The following MYBPC2 variants were observed in gnomAD, a reference collection of about 807,000 sequenced individuals.
The protein encoded by MYBPC2 is myosin binding protein C2.
In MYBPC2, 122 loss-of-function variants were observed where a neutral mutation model predicts 137.0. The observed-to-expected ratio is 0.89, with a 90% CI of 0.77 to 1.03. The LOEUF is 1.03. Ranked by LOEUF, MYBPC2 falls within the 50% of genes least tolerant of loss-of-function variation. The pLI, the probability that MYBPC2 is intolerant of heterozygous loss-of-function variation, is 0.00. For synonymous variants in MYBPC2, 626 were observed against 612.3 expected, an observed-to-expected ratio of 1.02 and a Z score of -0.33; for missense variants, 1,500 against 1,534.4, an observed-to-expected ratio of 0.98 and a Z score of 0.37.
In MYBPC2 at chr19:50,436,722, A is replaced by T. The variant is rs1007765893; in HGVS notation, c.451A>T (p.Ile151Phe). 4.3e-6 allele frequency: 7 copies of T among 1,613,628 alleles called. No homozygotes were observed. Among genetic ancestry groups the T allele is most frequent in the Non-Finnish European group, 5.9e-6 (7 of 1,179,770 alleles). ...CACCTGTGACAGCTGTGGCTTCAAC[A>T]TCGATGTGGAGGGTATGCTGGTGGG... ...KDTCDSCGFN[I>F]DVEAPRQDAS... The change falls in exon 5 of 28, where the codon ATC (isoleucine) becomes TTC (phenylalanine). Residue 151 changes from isoleucine to phenylalanine, a missense_variant. Coordinates refer to ENST00000357701, the MANE Select transcript of MYBPC2 (RefSeq NM_004533.4).
rs369701444 is a variant in MYBPC2, at chr19:50,455,581, C to G, written c.2275C>G (p.Pro759Ala). Residue 759 changes from proline (P) to alanine (A), a missense_variant, in exon 20 of 28, where the codon CCT becomes GCT. Pro to Ala is a conservative substitution (Grantham distance 27). Coordinates refer to ENST00000357701, the MANE Select transcript of MYBPC2 (RefSeq NM_004533.4). ...TDTTTTLKWR[P>A]PNRIGAGGID... ...CACCACCACCACACTCAAGTGGAGG[C>G]CTCCGAACAGGATCGGGGCAGGTGG... The G allele has an allele frequency of 7.4e-6, 12 of 1,613,888 alleles. No individual in the cohort carries two copies. The African/African-American group carries it at 1.5e-4, about 20-fold the overall frequency.
At chr19:50,437,355 C>T in intron 5 of MYBPC2, 118 bp from the exon 6 acceptor site, 1 of 1,155,116 alleles carries the variant, frequency 8.7e-7, no homozygotes. Flanking sequence ...TTGTGCTGGT[C>T]CAAGAGATGG....
chr19:50,437,440 C>G, intron 5 of MYBPC2, 33 bp from the exon 6 acceptor site: 1 of 1,600,760 alleles, frequency 6.2e-7, no homozygotes, highest in Non-Finnish European at 8.5e-7. Context: ...TGGCCTCTAA[C>G]TCACCTTCCC....
At chr19:50,463,173 ATTTG>A (rs746597362) in intron 26 of MYBPC2, among the ~76,000 whole-genome samples, 7 of 152,162 alleles carry the variant, frequency 4.6e-5, no homozygotes, top group Non-Finnish European at 1.0e-4. Flanking sequence ...GGCCAAGCAT[ATTTG>A]TTTATGTTTT....
chr19:50,459,415 G>C (rs1307064643), intron 23 of MYBPC2, 109 bp downstream of exon 23: 7 of 1,161,184 alleles, frequency 6.0e-6, no homozygotes, highest in Non-Finnish European at 8.1e-6. Flanking sequence ...GATGAAGGGT[G>C]GGAGAGGAGG....
At position 50,448,093 on chromosome 19, in the gene MYBPC2, G is replaced by A. The variant is rs547815701; in HGVS notation, c.1307-132G>A. ...AGCATGGGAGCTTCCCGAGGCCAAC[G>A]GGTTGTTTCTGGGTTGTCTGTGGCT... On this transcript the variant is annotated intron_variant, in intron 12 of 27. Coordinates refer to ENST00000357701, the MANE Select transcript of MYBPC2 (RefSeq NM_004533.4). 7.2e-5 allele frequency: 78 copies of A among 1,087,960 alleles called. No individual in the cohort carries two copies. In the African/African-American group the frequency reaches 9.9e-4, roughly 14 times the overall value. The allele number at this position is 1,087,960 out of a possible 1,614,324, so 67.4% of individuals were successfully genotyped here. A position where few individuals can be genotyped will look rare whatever the true frequency, so the allele number is the denominator to read the frequency against.
At position 50,444,132 on chromosome 19, in the gene MYBPC2, GTCCATCCATCCATCCA is replaced by G. The variant is rs3087049; in HGVS notation, c.1133+351_1133+366del. On this transcript the variant is annotated intron_variant, in intron 11 of 27. Transcript: ENST00000357701. ...ATCCAGGTATCCACTCATCCACCCA[GTCCATCCATCCATCCA>G]TCCATCCATCCATCCATCCATCCAT... 2.1e-3 allele frequency among the ~76,000 whole-genome samples: 303 copies of G among 144,594 alleles called. 1 individual carries two copies. The highest frequency in any genetic ancestry group is 0.012 in the East Asian group (58 of 4,880). 94.9% of individuals were successfully genotyped at this position (144,594 alleles called of 152,430 possible). A position where few individuals can be genotyped will look rare whatever the true frequency, so the allele number is the denominator to read the frequency against.
At chr19:50,440,267 C>T (rs182499162) in intron 7 of MYBPC2, among the ~76,000 whole-genome samples, 479 of 151,766 alleles carry the variant, frequency 3.2e-3, no homozygotes, top group Non-Finnish European at 5.9e-3. Context: ...AAATCACTAC[C>T]AAACAGCTTA....
intron 20 of MYBPC2, among the ~76,000 whole-genome samples, chr19:50,456,948 A>C (rs1393146097): frequency 6.6e-6 from 1 of 152,176 alleles, no homozygotes; most frequent in Non-Finnish European, 1.5e-5. Flanking sequence ...GCCCAGTGCC[A>C]TGGCTATGGA....
chr19:50,459,314 C>A lies in MYBPC2; in HGVS notation c.2791+8C>A, dbSNP rs1362650364. On this transcript the variant is annotated splice_region_variant and intron_variant, in intron 23 of 27. Coordinates refer to ENST00000357701, the MANE Select transcript of MYBPC2 (RefSeq NM_004533.4). ...TCCGCATCCGCGTTGTGGGTGCGCG[C>A]GCTGGGGAGGGCCCCTGGAGGCCGG... 7 of 1,492,172 alleles carry A rather than the reference C, an allele frequency of 4.7e-6. No individual in the cohort carries two copies. Among genetic ancestry groups the A allele is most frequent in the African/African-American group, 1.5e-5 (1 of 66,976 alleles). The allele number at this position is 1,492,172 out of a possible 1,614,324, so 92.4% of individuals were successfully genotyped here.
At position 50,433,291 on chromosome 19, in the gene MYBPC2, G is replaced by A. The variant is rs551119695; in HGVS notation, c.19+319G>A. 2.0e-5 allele frequency among the ~76,000 whole-genome samples: 3 copies of A among 152,218 alleles called. No homozygotes were observed. In the East Asian group the frequency reaches 5.8e-4, roughly 29 times the overall value. On this transcript the variant is annotated intron_variant, in intron 1 of 27. Coordinates refer to ENST00000357701, the MANE Select transcript of MYBPC2 (RefSeq NM_004533.4). ...GTTTCTTTTTCTATAAGTGATTGGG[G>A]GGGCATCTCTGGTGGAGATGGGATT...
At chr19:50,455,673 G>C in intron 20 of MYBPC2, 29 bp downstream of exon 20, 1 of 1,610,764 alleles carries the variant, frequency 6.2e-7, no homozygotes. Flanking sequence ...GCTGGTGGGG[G>C]TGGTGGCTAG....
chr19:50,435,827 T>C lies in MYBPC2; in HGVS notation c.161T>C (p.Phe54Ser). 1.2e-6 allele frequency: 2 copies of C among 1,609,638 alleles called. No individual in the cohort carries two copies. Among genetic ancestry groups the C allele is most frequent in the Non-Finnish European group, 1.7e-6 (2 of 1,177,984 alleles). The change falls in exon 3 of 28, where the codon TTC becomes TCC. Residue 54 changes from phenylalanine (F) to serine (S), a missense_variant. Transcript: ENST00000357701. This position sits in a 1 kb window ranked among gnomAD's most constrained non-coding sequence, Gnocchi z 4.8. ...SPTAEEPTGV[F>S]LKKPDSVSVE... ...ACTGCAGAGGAGCCCACCGGCGTTTTCCTGAAGAAGCCGGACTCCGTCTCA... is the reference window on the plus strand; with the variant it reads ...ACTGCAGAGGAGCCCACCGGCGTTTCCCTGAAGAAGCCGGACTCCGTCTCA...
At chr19:50,459,697 G>A (rs1339958218) in intron 23 of MYBPC2, among the ~76,000 whole-genome samples, 2 of 129,358 alleles carry the variant, frequency 1.5e-5, no homozygotes, top group Non-Finnish European at 3.3e-5. Context: ...GGGAGGGGGA[G>A]AGGAGGTGAA....
At chr19:50,452,040 C>A in intron 16 of MYBPC2, 37 bp downstream of exon 16, 2 of 1,540,510 alleles carry the variant, frequency 1.3e-6, no homozygotes, top group South Asian at 1.2e-5. Flanking sequence ...CACTCCCTTT[C>A]CGTTTAGGCA....
Position 50,459,288 on chromosome 19 carries a change from A to C in MYBPC2, c.2773A>C (p.Ile925Leu). ...QIENMKDTAT[I>L]RIRVVEKAGP... is the part of the protein sequence containing the mutation. ...CGAGAACATGAAGGACACCGCCACCATCCGCATCCGCGTTGTGGGTGCGCG... is the reference window on the plus strand; with the variant it reads ...CGAGAACATGAAGGACACCGCCACCCTCCGCATCCGCGTTGTGGGTGCGCG... The change falls in exon 23 of 28, where the codon ATC becomes CTC. Residue 925 changes from isoleucine (I) to leucine (L), a missense_variant. By Grantham distance (5) the Ile-to-Leu change is conservative (BLOSUM62 2). Transcript: ENST00000357701. 1 of 1,605,046 alleles carries C rather than the reference A, an allele frequency of 6.2e-7. No homozygotes were observed. Among genetic ancestry groups the C allele is most frequent in the South Asian group, 1.1e-5 (1 of 90,538 alleles).
At chr19:50,446,237 G>A (rs1215334485) in intron 12 of MYBPC2, among the ~76,000 whole-genome samples, 185 bp downstream of exon 12, 6 of 152,298 alleles carry the variant, frequency 3.9e-5, no homozygotes, top group Admixed American at 6.5e-5. Flanking sequence ...CCAGCCAAGC[G>A]TGGTGGCTCA....
intron 12 of MYBPC2, among the ~76,000 whole-genome samples, chr19:50,448,016 C>T (rs2039821200): frequency 6.6e-6 from 1 of 152,168 alleles, no homozygotes; most frequent in Admixed American, 6.6e-5. Context: ...CTCCCTGCCT[C>T]CCTCAGGCCT....
chr19:50,438,746 G>A (rs552834373), intron 7 of MYBPC2, among the ~76,000 whole-genome samples: 1 of 152,064 alleles, frequency 6.6e-6, no homozygotes, highest in South Asian at 2.1e-4. Context: ...TGTGTCTGTG[G>A]TCCTAACTAC....
Sources: allele counts gnomAD v4.1 joint callset (sites outside exome capture counted in the v4.1 genomes callset), GRCh38; gene constraint gnomAD v4.1.1; non-coding constraint Gnocchi (gnomAD v3.1); transcripts MANE v1.5; gene names NCBI Gene and HGNC (gene_info 2026-07-23, HGNC 2026-07-21).